Variants in ALMS1 observed in about 807,000 individuals in gnomAD.
ALMS1 encodes ALMS1 centrosome and basal body associated protein.
ALMS1 carries 271 observed loss-of-function variants against 352.2 expected under a neutral mutation model. That is an observed-to-expected ratio of 0.77 (90% CI 0.70 to 0.85). The LOEUF is 0.85. Ranked by LOEUF, ALMS1 falls within the 40% of genes least tolerant of loss-of-function variation. The probability of loss-of-function intolerance (pLI) is 0.00; values close to 1 mark genes in which losing one functional copy is unlikely to be tolerated. For synonymous variants in ALMS1, 1,865 were observed against 1,761.2 expected, an observed-to-expected ratio of 1.06 and a Z score of -1.48; for missense variants, 5,445 against 4,870.7, an observed-to-expected ratio of 1.12 and a Z score of -3.51.
chr2:73,478,804 C>T (rs1408906625), intron 9 of ALMS1, among the ~76,000 whole-genome samples: 1 of 152,072 alleles, frequency 6.6e-6, no homozygotes, highest in East Asian at 1.9e-4. Flanking sequence ...GCCCTGCATA[C>T]GTTAGGTATT....
At chr2:73,412,808 C>CA (rs1241399709) in intron 2 of ALMS1, among the ~76,000 whole-genome samples, 1 of 151,770 alleles carries the variant, frequency 6.6e-6, no homozygotes, top group African/African-American at 2.4e-5. Context: ...AAACAAAAAA[C>CA]AAAAAACAAA....
intron 6 of ALMS1, among the ~76,000 whole-genome samples, chr2:73,427,711 T>A (rs1019308439): frequency 3.9e-5 from 6 of 152,146 alleles, no homozygotes; most frequent in Non-Finnish European, 7.4e-5. Context: ...AAGGCTTTTA[T>A]TTGCTTGGAT....
Position 73,490,794 on chromosome 2 carries a change from C to G in ALMS1, c.8835C>G (p.Asn2945Lys), listed in dbSNP as rs35062203. The change falls in exon 10 of 23, where the codon AAC becomes AAG. Residue 2945 changes from asparagine to lysine, a missense_variant. Coordinates refer to ENST00000613296, the MANE Select transcript of ALMS1 (RefSeq NM_001378454.1). ...APYVDHQMRE[N>K]HSPLPQGQDS... Reference sequence around the variant, plus strand: ...ATGTAGATCATCAAATGAGAGAAAACCATTCTCCCCTTCCTCAAGGTCAGG... The same window carrying G: ...ATGTAGATCATCAAATGAGAGAAAAGCATTCTCCCCTTCCTCAAGGTCAGG... 0.012 allele frequency: 19,153 copies of G among 1,614,052 alleles called. 159 individuals carry two copies. Among genetic ancestry groups the G allele is most frequent in the Non-Finnish European group, 0.014 (17,028 of 1,180,014 alleles).
At chr2:73,589,659 C>T (rs2104157409) in intron 16 of ALMS1, among the ~76,000 whole-genome samples, 1 of 152,308 alleles carries the variant, frequency 6.6e-6, no homozygotes, top group African/African-American at 2.4e-5. Context: ...AGTCTGCCTA[C>T]ATTGCTGTAA....
Position 73,419,280 on chromosome 2 carries a change from A to G in ALMS1, c.608A>G (p.Lys203Arg), listed in dbSNP as rs1266218812. ...GILTQSENQV[K>R]EPNRDLFCSP... ...TTGACGCAATCAGAAAATCAAGTAA[A>G]GGAACCCAACAGAGATCTCTTCTGT... is the stretch of plus-strand genomic sequence containing the variant. Residue 203 changes from lysine to arginine, a missense_variant, in exon 3 of 23, where the codon AAG becomes AGG. By Grantham distance (26) the Lys-to-Arg change is conservative (BLOSUM62 2). Coordinates refer to ENST00000613296, the MANE Select transcript of ALMS1 (RefSeq NM_001378454.1). 5.0e-6 allele frequency: 8 copies of G among 1,613,972 alleles called. No individual in the cohort carries two copies. The African/African-American group carries it at 8.0e-5, about 16-fold the overall frequency.
In ALMS1 at chr2:73,452,285, G is replaced by A. The variant is rs373489525; in HGVS notation, c.5758G>A (p.Val1920Ile). ...AGATGTTACTGAAGAAGCTTTAAAT[G>A]TTTTTGTTGTTCCTGGACAAGGTGA... Reference protein sequence around the residue: ...LPDVTEEALNVFVVPGQGDRK... With the variant: ...LPDVTEEALNIFVVPGQGDRK... The change falls in exon 8 of 23, where the codon GTT becomes ATT. Residue 1920 changes from valine to isoleucine, a missense_variant. Val to Ile is a conservative substitution (Grantham distance 29). Coordinates refer to ENST00000613296, the MANE Select transcript of ALMS1 (RefSeq NM_001378454.1). 9 of 1,613,924 alleles carry A rather than the reference G, an allele frequency of 5.6e-6. No individual in the cohort carries two copies. The highest frequency in any genetic ancestry group is 7.6e-6 in the Non-Finnish European group (9 of 1,180,004).
At chr2:73,567,486 CA>C (rs1305276599) in intron 15 of ALMS1, among the ~76,000 whole-genome samples, 26 of 152,218 alleles carry the variant, frequency 1.7e-4, no homozygotes, top group Middle Eastern at 6.8e-3. Flanking sequence ...TTTATTATAT[CA>C]CAGTATTACA....
rs2103789892 is a variant in ALMS1, at chr2:73,452,905, A to G, written c.6378A>G (p.Gly2126=). 6.2e-7 allele frequency: 1 copy of G among 1,613,888 alleles called. No homozygotes were observed. Among genetic ancestry groups the G allele is most frequent in the Non-Finnish European group, 8.5e-7 (1 of 1,179,974 alleles). Residue 2126 remains glycine (G), a synonymous_variant, in exon 8 of 23, where the codon GGA becomes GGG. Coordinates refer to ENST00000613296, the MANE Select transcript of ALMS1 (RefSeq NM_001378454.1). The part of the protein sequence containing the change: ...EDVLKVSTIP[G]PAGQKTVLPT... ...TGCTGAAGGTTTCAACAATTCCTGGACCAGCTGGCCAGAAAACAGTATTAC... is the reference window on the plus strand; with the variant it reads ...TGCTGAAGGTTTCAACAATTCCTGGGCCAGCTGGCCAGAAAACAGTATTAC...
intron 7 of ALMS1, among the ~76,000 whole-genome samples, chr2:73,435,000 T>C (rs1237584591): frequency 6.6e-6 from 1 of 152,224 alleles, no homozygotes; most frequent in Non-Finnish European, 1.5e-5. Flanking sequence ...AAATTGTTCC[T>C]CCATATTTTG....
intron 1 of ALMS1, among the ~76,000 whole-genome samples, chr2:73,390,896 C>CA (rs1670630166): frequency 6.6e-6 from 1 of 151,784 alleles, no homozygotes; most frequent in Admixed American, 6.6e-5. Context: ...TCAGCCTCCG[C>CA]AGTAGCTGGG....
Position 73,449,235 on chromosome 2 carries a change from C to G in ALMS1, c.2708C>G (p.Ala903Gly). The change falls in exon 8 of 23, where the codon GCA becomes GGA. Residue 903 changes from alanine to glycine, a missense_variant. Transcript: ENST00000613296. ...PGDQKTGIPS[A>G]PSSFYSHREK... ...GATCAGAAGACTGGGATACCCTCAG[C>G]ACCATCTAGTTTCTACTCACACAGA... 2 of 1,613,904 alleles carry G rather than the reference C, an allele frequency of 1.2e-6. No homozygotes were observed. The highest frequency in any genetic ancestry group is 1.7e-6 in the Non-Finnish European group (2 of 1,179,948).
rs1450923259 is a variant in ALMS1, at chr2:73,489,623, G to T, written c.7675-11G>T. 1.9e-6 allele frequency: 3 copies of T among 1,614,030 alleles called. No homozygotes were observed. The highest frequency in any genetic ancestry group is 1.7e-5 in the Admixed American group (1 of 60,022). On this transcript the variant is annotated splice_polypyrimidine_tract_variant and intron_variant, in intron 9 of 22. Coordinates refer to ENST00000613296, the MANE Select transcript of ALMS1 (RefSeq NM_001378454.1). ...ACTTCAAATAAGAACCTGTTTGTTT[G>T]TATCTTCTAGGGTTTACAGAGTCCA...
chr2:73,411,930 A>G (rs978239162), intron 2 of ALMS1, among the ~76,000 whole-genome samples: 29 of 152,284 alleles, frequency 1.9e-4, no homozygotes, highest in Admixed American at 1.3e-3. Flanking sequence ...CAGCTACTTT[A>G]CTACAAATGT....
intron 1 of ALMS1, among the ~76,000 whole-genome samples, chr2:73,396,004 C>G (rs867187177): frequency 6.6e-6 from 1 of 152,030 alleles, no homozygotes; most frequent in Non-Finnish European, 1.5e-5. Context: ...AGAAGGTTTA[C>G]GAATTTGTGT....
intron 6 of ALMS1, among the ~76,000 whole-genome samples, chr2:73,428,869 C>T (rs766008494): frequency 1.3e-4 from 20 of 152,192 alleles, no homozygotes; most frequent in Non-Finnish European, 2.4e-4. Flanking sequence ...TTATGCTCCT[C>T]ATCTGTGTCA....
At chr2:73,394,889 T>C (rs1670721586) in intron 1 of ALMS1, among the ~76,000 whole-genome samples, 1 of 151,662 alleles carries the variant, frequency 6.6e-6, no homozygotes, top group Non-Finnish European at 1.5e-5. Flanking sequence ...CTGTAGGCAG[T>C]TGTAACACTG....
At chr2:73,552,472 G>T (rs1435200236) in intron 13 of ALMS1, among the ~76,000 whole-genome samples, 1 of 151,686 alleles carries the variant, frequency 6.6e-6, no homozygotes, top group East Asian at 1.9e-4. Context: ...GTGTAGATGT[G>T]GAAAAATTGG....
intron 11 of ALMS1, among the ~76,000 whole-genome samples, chr2:73,533,439 TC>T (rs1673963753): frequency 6.6e-6 from 1 of 152,230 alleles, no homozygotes. Context: ...AAGTGTGACT[TC>T]CATTTCTGGG....
At chr2:73,522,284 C>A (rs931251972) in intron 11 of ALMS1, among the ~76,000 whole-genome samples, 1 of 152,098 alleles carries the variant, frequency 6.6e-6, no homozygotes, top group African/African-American at 2.4e-5. Context: ...GCATATTCAG[C>A]CATTGCTATC....
Sources: allele counts gnomAD v4.1 joint callset (sites outside exome capture counted in the v4.1 genomes callset), GRCh38; gene constraint gnomAD v4.1.1; transcripts MANE v1.5; gene names NCBI Gene and HGNC (gene_info 2026-07-23, HGNC 2026-07-21).